CTNNA2: variants seen among roughly 807,000 people sequenced by gnomAD.
The protein encoded by CTNNA2 is catenin alpha-2.
CTNNA2 carries 42 observed loss-of-function variants against 101.0 expected under a neutral mutation model. The observed-to-expected ratio is 0.42, with a 90% confidence interval of 0.32 to 0.54. CTNNA2 has a LOEUF of 0.54. Ranked by LOEUF, CTNNA2 falls within the 20% of genes least tolerant of loss-of-function variation. The pLI is 0.14. For synonymous variants in CTNNA2, 450 were observed against 456.4 expected (o/e 0.99, Z 0.18); for missense variants, 871 against 1,223.1 (o/e 0.71, Z 4.29).
chr2:79,968,727 C>A, intron 7 of CTNNA2, among the ~76,000 whole-genome samples: 1 of 152,044 alleles, frequency 6.6e-6, no homozygotes, highest in East Asian at 1.9e-4. Flanking sequence ...ACCTGTTTGA[C>A]AAAAATTCCA....
At chr2:79,727,744 C>T (rs1334181815) in intron 2 of CTNNA2, among the ~76,000 whole-genome samples, 4 of 113,600 alleles carry the variant, frequency 3.5e-5, no homozygotes, top group South Asian at 6.4e-4. Flanking sequence ...CACCCCACAA[C>T]GGTCCCCAGA....
intron 6 of CTNNA2, among the ~76,000 whole-genome samples, chr2:79,888,171 T>C (rs898994759): frequency 6.6e-6 from 1 of 152,188 alleles, no homozygotes; most frequent in Non-Finnish European, 1.5e-5. Context: ...GGGATGGTGA[T>C]AAAGATAGAT....
chr2:80,285,365 C>T (rs1272364524), intron 7 of CTNNA2, among the ~76,000 whole-genome samples: 1 of 152,172 alleles, frequency 6.6e-6, no homozygotes, highest in East Asian at 1.9e-4. Flanking sequence ...GGTGGGACTA[C>T]CCACATTCTC....
chr2:79,197,711 C>T (rs1299794475), intron 1 of CTNNA2, among the ~76,000 whole-genome samples: 1 of 152,218 alleles, frequency 6.6e-6, no homozygotes, highest in South Asian at 2.1e-4. Flanking sequence ...ATCCATGCAT[C>T]CATGATTACC....
chr2:80,123,195 T>C (rs1187139144), intron 7 of CTNNA2, among the ~76,000 whole-genome samples: 1 of 152,202 alleles, frequency 6.6e-6, no homozygotes, highest in African/African-American at 2.4e-5. Context: ...TCGTTGGGCT[T>C]TGCCTCATTC....
chr2:79,314,981 A>T (rs1053327376), intron 3 of CTNNA2, among the ~76,000 whole-genome samples: 1 of 152,184 alleles, frequency 6.6e-6, no homozygotes, highest in African/African-American at 2.4e-5. Flanking sequence ...GAAATGAATT[A>T]GGGCTTTTGC....
intron 15 of CTNNA2, among the ~76,000 whole-genome samples, chr2:80,596,617 G>A (rs139333480): frequency 1.1e-4 from 16 of 151,922 alleles, no homozygotes; most frequent in African/African-American, 3.9e-4. Flanking sequence ...AGGCCAACAA[G>A]GGGTTTTTCT....
chr2:79,719,241 G>A (rs1330593347), intron 2 of CTNNA2, among the ~76,000 whole-genome samples: 2 of 152,050 alleles, frequency 1.3e-5, no homozygotes, highest in African/African-American at 4.8e-5. Flanking sequence ...TGAAGGACAG[G>A]ATTTCATTGT....
intron 4 of CTNNA2, among the ~76,000 whole-genome samples, chr2:79,868,191 C>T (rs1033854527): frequency 3.3e-5 from 5 of 152,194 alleles, no homozygotes; most frequent in African/African-American, 4.8e-5. Context: ...TTTACATCAT[C>T]GTTTCATATT....
intron 2 of CTNNA2, among the ~76,000 whole-genome samples, chr2:79,680,569 C>A (rs1683496412): frequency 6.6e-6 from 1 of 152,138 alleles, no homozygotes; most frequent in African/African-American, 2.4e-5. Context: ...GGAGTCAGGA[C>A]CTTCTCACTG....
chr2:79,996,752 C>A (rs1292182566), intron 7 of CTNNA2, among the ~76,000 whole-genome samples: 1 of 152,118 alleles, frequency 6.6e-6, no homozygotes, highest in Non-Finnish European at 1.5e-5. Flanking sequence ...CAGTGTGGAT[C>A]AGGCCCTGGA....
At chr2:79,607,194 C>T (rs1033409498) in intron 1 of CTNNA2, among the ~76,000 whole-genome samples, 6 of 152,154 alleles carry the variant, frequency 3.9e-5, no homozygotes, top group South Asian at 2.1e-4. Flanking sequence ...AAGTTCATTT[C>T]ATAGTGATAT....
intron 3 of CTNNA2, among the ~76,000 whole-genome samples, chr2:79,324,750 G>T (rs957139707): frequency 6.7e-6 from 1 of 149,742 alleles, no homozygotes; most frequent in Non-Finnish European, 1.5e-5. Flanking sequence ...ACACACACAC[G>T]TACACACACT....
At chr2:79,524,460 G>A (rs1000271387) in intron 1 of CTNNA2, among the ~76,000 whole-genome samples, 10 of 151,230 alleles carry the variant, frequency 6.6e-5, no homozygotes, top group Non-Finnish European at 1.0e-4. Flanking sequence ...CCAAAAAAAC[G>A]TGCCCTTGTG....
chr2:80,017,645 A>G (rs530310672), intron 7 of CTNNA2, among the ~76,000 whole-genome samples: 55 of 152,072 alleles, frequency 3.6e-4, no homozygotes, highest in African/African-American at 1.3e-3. Context: ...AAGTCTTCCC[A>G]GGGTTCTAAT....
intron 1 of CTNNA2, among the ~76,000 whole-genome samples, chr2:79,517,505 A>G (rs1188345467): frequency 6.6e-6 from 1 of 152,190 alleles, no homozygotes; most frequent in African/African-American, 2.4e-5. Context: ...TACTTCTAAA[A>G]ACTAACAGAC....
chr2:80,447,678 T>G (rs1574062656), intron 9 of CTNNA2, among the ~76,000 whole-genome samples: 1 of 151,956 alleles, frequency 6.6e-6, no homozygotes, highest in East Asian at 1.9e-4. Flanking sequence ...GTCAGGCCCT[T>G]CCCTTCATCC....
At chr2:79,211,424 C>T (rs924763053) in intron 2 of CTNNA2, among the ~76,000 whole-genome samples, 4 of 152,060 alleles carry the variant, frequency 2.6e-5, no homozygotes, top group Non-Finnish European at 5.9e-5. Context: ...TGGGTGCAGG[C>T]GGGCTGAGTC....
intron 4 of CTNNA2, among the ~76,000 whole-genome samples, chr2:79,374,326 C>G (rs1440193560): frequency 6.6e-6 from 1 of 152,138 alleles, no homozygotes; most frequent in Non-Finnish European, 1.5e-5. Context: ...GGGCATGGAT[C>G]TGGTATTTTA....
Sources: allele counts gnomAD v4.1 joint callset (sites outside exome capture counted in the v4.1 genomes callset), GRCh38; gene constraint gnomAD v4.1.1; transcripts MANE v1.5; gene names NCBI Gene and HGNC (gene_info 2026-07-23, HGNC 2026-07-21).